The following KIF26B variants were observed in gnomAD, a reference collection of about 807,000 sequenced individuals.
KIF26B encodes the protein kinesin-like protein KIF26B.
Under a neutral mutation model 151.2 loss-of-function variants are expected in KIF26B, and 63 were observed. The ratio of observed to expected loss-of-function variants is 0.42; its 90% CI spans 0.34 to 0.51. The LOEUF (loss-of-function observed/expected upper bound fraction) is 0.51, where lower values mean the gene tolerates loss of function less well. Ranked by LOEUF, KIF26B falls within the 20% of genes least tolerant of loss-of-function variation. KIF26B has a pLI of 0.07. For synonymous variants in KIF26B, 1,357 were observed against 1,262.1 expected (o/e 1.08, Z -1.59); for missense variants, 2,813 against 2,913.6 (o/e 0.97, Z 0.79).
chr1:245,298,317 C>T (rs565170981), intron 2 of KIF26B, among the ~76,000 whole-genome samples: 21 of 152,342 alleles, frequency 1.4e-4, no homozygotes, highest in Admixed American at 4.6e-4. Context: ...CATACAATGG[C>T]ATATTCTTCA....
At chr1:245,466,035 C>G (rs1659783245) in intron 4 of KIF26B, among the ~76,000 whole-genome samples, 1 of 152,240 alleles carries the variant, frequency 6.6e-6, no homozygotes, top group East Asian at 1.9e-4. Flanking sequence ...GCGCACAGTA[C>G]GAGCATCTCA....
intron 4 of KIF26B, among the ~76,000 whole-genome samples, chr1:245,451,031 CTT>C (rs559567803): frequency 1.4e-3 from 219 of 151,494 alleles, no homozygotes; most frequent in Middle Eastern, 0.01. Flanking sequence ...ACAACGGAAA[CTT>C]TGACTTTTGT....
intron 4 of KIF26B, among the ~76,000 whole-genome samples, chr1:245,521,219 C>T (rs1475366858): frequency 6.6e-6 from 1 of 152,014 alleles, no homozygotes; most frequent in Non-Finnish European, 1.5e-5. Context: ...CACCTGTAGT[C>T]CCAGCTACTC....
chr1:245,173,559 A>G (rs376195097), intron 2 of KIF26B, among the ~76,000 whole-genome samples: 36 of 152,202 alleles, frequency 2.4e-4, no homozygotes, highest in African/African-American at 7.5e-4. Flanking sequence ...GAGACAGGCC[A>G]CTTTACGGGT....
chr1:245,623,138 T>C (rs2043684420), intron 9 of KIF26B, among the ~76,000 whole-genome samples: 1 of 151,476 alleles, frequency 6.6e-6, no homozygotes, highest in African/African-American at 2.4e-5. Context: ...TTTTATCATA[T>C]GTATATGCCT....
At chr1:245,156,224 C>T in intron 1 of KIF26B, 58 bp from the exon 2 acceptor site, 1 of 1,522,034 alleles carries the variant, frequency 6.6e-7, no homozygotes, top group Non-Finnish European at 8.8e-7. Context: ...TGACCCAGCT[C>T]CTGGGCGCTG....
chr1:245,496,545 A>C (rs1378480902), intron 4 of KIF26B, among the ~76,000 whole-genome samples: 1 of 152,224 alleles, frequency 6.6e-6, no homozygotes, highest in Admixed American at 6.5e-5. Flanking sequence ...TAATCTGTAG[A>C]GCAACTAGTA....
Position 245,686,451 on chromosome 1 carries a change from G to C in KIF26B, c.3468G>C (p.Gln1156His), listed in dbSNP as rs2044521915. 6.2e-7 allele frequency: 1 copy of C among 1,613,328 alleles called. No homozygotes were observed. Among genetic ancestry groups the C allele is most frequent in the Non-Finnish European group, 8.5e-7 (1 of 1,179,882 alleles). The change falls in exon 12 of 15, where the codon CAG becomes CAC. Residue 1156 changes from glutamine (Q) to histidine (H), a missense_variant. Physicochemically the swap from Gln to His is conservative, Grantham distance 24. Around this residue, in one of 3 missense-constraint regions of KIF26B, gnomAD observed 2,060 missense variants for 2,088.6 expected, o/e 0.99. Transcript: ENST00000407071. The surrounding 1 kb of genome is among the most constrained non-coding windows in gnomAD (Gnocchi z 5.6). ...GFPETPVDDE[Q>H]QAATPSESKK... ...CGGAAACTCCTGTCGATGATGAGCA[G>C]CAGGCAGCTACTCCTTCAGAGTCCA...
At chr1:245,274,544 G>A (rs1670907545) in intron 2 of KIF26B, among the ~76,000 whole-genome samples, 1 of 151,858 alleles carries the variant, frequency 6.6e-6, no homozygotes, top group Non-Finnish European at 1.5e-5. Flanking sequence ...TCCCTGCAAA[G>A]GACATGACAT....
At chr1:245,313,490 G>A (rs888130402) in intron 2 of KIF26B, among the ~76,000 whole-genome samples, 6 of 152,214 alleles carry the variant, frequency 3.9e-5, no homozygotes, top group African/African-American at 1.2e-4. Flanking sequence ...CCCGATGCAC[G>A]GGCGGTTGTG....
At position 245,323,934 on chromosome 1, in the gene KIF26B, A is replaced by G. The variant is rs11800836; in HGVS notation, c.466-42900A>G. On this transcript the variant is annotated intron_variant, in intron 2 of 14. Transcript: ENST00000407071. ...GGGTGGATGGAGGTGGAGGTGGGGTAGACCCTTATGTGGGTGGTGGGAGGT... is the reference window on the plus strand; with the variant it reads ...GGGTGGATGGAGGTGGAGGTGGGGTGGACCCTTATGTGGGTGGTGGGAGGT... 1.2e-3 allele frequency among the ~76,000 whole-genome samples: 135 copies of G among 110,852 alleles called. 1 individual carries two copies. The highest frequency in any genetic ancestry group is 3.9e-3 in the African/African-American group (114 of 29,414). 72.7% of individuals were successfully genotyped at this position (110,852 alleles called of 152,430 possible).
chr1:245,454,440 T>C (rs1477756608), intron 4 of KIF26B, among the ~76,000 whole-genome samples: 1 of 152,132 alleles, frequency 6.6e-6, no homozygotes, highest in African/African-American at 2.4e-5. Context: ...TCTCTGCACA[T>C]CTTGATATGT....
intron 3 of KIF26B, among the ~76,000 whole-genome samples, chr1:245,385,155 C>T (rs1673512491): frequency 6.6e-6 from 1 of 152,160 alleles, no homozygotes; most frequent in South Asian, 2.1e-4. Context: ...CATTTATTAG[C>T]AACTTACACA....
In KIF26B at chr1:245,210,889, C is replaced by A. The variant is rs12043821; in HGVS notation, c.465+54206C>A. On this transcript the variant is annotated intron_variant, in intron 2 of 14. Coordinates refer to ENST00000407071, the MANE Select transcript of KIF26B (RefSeq NM_018012.4). The stretch of plus-strand genomic sequence containing the variant: ...ACCTCCTAGACATAGGAAGCCCTTT[C>A]AGAAGACACATTTGCCTCTCCACAG... Among the ~76,000 whole-genome samples, 849 of 152,254 alleles carry A rather than the reference C, an allele frequency of 5.6e-3. 38 individuals carry two copies. The East Asian group carries it at 0.13, about 24-fold the overall frequency.
chr1:245,294,211 C>T (rs1232800797), intron 2 of KIF26B, among the ~76,000 whole-genome samples: 3 of 152,108 alleles, frequency 2.0e-5, no homozygotes, highest in East Asian at 1.9e-4. Context: ...AAACCTCCCA[C>T]GGGGTCTCCA....
chr1:245,390,942 A>C (rs796785455), intron 3 of KIF26B, among the ~76,000 whole-genome samples: 1 of 145,266 alleles, frequency 6.9e-6, no homozygotes, highest in African/African-American at 2.6e-5. Flanking sequence ...AAAAAAAAAA[A>C]AAAAAAAAAA....
At chr1:245,639,059 T>C (rs1176719587) in intron 9 of KIF26B, among the ~76,000 whole-genome samples, 1 of 151,954 alleles carries the variant, frequency 6.6e-6, no homozygotes. Context: ...GTATTAGTTA[T>C]TCTTTAAATG....
intron 4 of KIF26B, among the ~76,000 whole-genome samples, chr1:245,441,193 G>A (rs1307172632): frequency 6.6e-6 from 1 of 152,194 alleles, no homozygotes; most frequent in Non-Finnish European, 1.5e-5. Flanking sequence ...TAAGAGGGGT[G>A]TGGAGCATGT....
intron 5 of KIF26B, among the ~76,000 whole-genome samples, chr1:245,552,139 G>C (rs927046301): frequency 6.7e-6 from 1 of 150,026 alleles, no homozygotes; most frequent in African/African-American, 2.5e-5. Flanking sequence ...GTGTGTGTGT[G>C]TGTGTGTGTG....
Sources: allele counts gnomAD v4.1 joint callset (sites outside exome capture counted in the v4.1 genomes callset), GRCh38; gene constraint gnomAD v4.1.1; regional missense constraint gnomAD v4.1.1; non-coding constraint Gnocchi (gnomAD v3.1); transcripts MANE v1.5; gene names NCBI Gene and HGNC (gene_info 2026-07-23, HGNC 2026-07-21).